WDR59: variants seen among roughly 807,000 people sequenced by gnomAD.
WDR59 encodes GATOR2 complex protein WDR59.
In WDR59, 100 loss-of-function variants were observed where a neutral mutation model predicts 131.2. The observed-to-expected ratio is 0.76, with a 90% CI of 0.65 to 0.90. WDR59 has a LOEUF of 0.90. WDR59 is among the 40% of genes least tolerant of loss of function. The probability of loss-of-function intolerance (pLI) is 0.00; values close to 1 mark genes in which losing one functional copy is unlikely to be tolerated. For missense variants in WDR59, 1,203 were observed against 1,262.2 expected (o/e 0.95, Z 0.71); for synonymous variants, 601 against 466.2 (o/e 1.29, Z -3.72).
intron 8 of WDR59, among the ~76,000 whole-genome samples, chr16:74,924,411 T>C (rs1159111482): frequency 6.6e-6 from 1 of 152,244 alleles, no homozygotes; most frequent in Non-Finnish European, 1.5e-5. Flanking sequence ...TTTTTTCCCA[T>C]TTAATCTTTG....
At chr16:74,904,384 C>A in intron 17 of WDR59, 2 of 258,374 alleles carry the variant, frequency 7.7e-6, no homozygotes, top group Non-Finnish European at 7.4e-6. Context: ...ATAGTTCTAT[C>A]AATTAGAAAC....
chr16:74,880,320 G>A (rs1186514688), intron 25 of WDR59, among the ~76,000 whole-genome samples: 6 of 152,162 alleles, frequency 3.9e-5, no homozygotes, highest in South Asian at 2.1e-4. Context: ...GGTGGCAGGC[G>A]CCTGTAGTCC....
At chr16:74,893,334 G>T (rs999889434) in intron 19 of WDR59, among the ~76,000 whole-genome samples, 11 of 152,150 alleles carry the variant, frequency 7.2e-5, no homozygotes, top group Non-Finnish European at 2.9e-5. Flanking sequence ...TTCTACAGCT[G>T]CAAGGGTCTG....
chr16:74,904,140 C>T (rs1965690849), intron 17 of WDR59, 40 bp from the exon 18 acceptor site: 1 of 1,590,170 alleles, frequency 6.3e-7, no homozygotes, highest in Non-Finnish European at 8.6e-7. Flanking sequence ...TGGCTGCAGT[C>T]CTGTCATATT....
intron 18 of WDR59, among the ~76,000 whole-genome samples, chr16:74,900,363 C>T (rs1455942308): frequency 6.6e-6 from 1 of 152,098 alleles, no homozygotes; most frequent in Non-Finnish European, 1.5e-5. Flanking sequence ...TGAGGAGAGA[C>T]CTTCTTGAAA....
chr16:74,937,303 G>T (rs902063942), intron 8 of WDR59, among the ~76,000 whole-genome samples: 2 of 152,152 alleles, frequency 1.3e-5, no homozygotes, highest in African/African-American at 4.8e-5. Flanking sequence ...CTAATAAAAT[G>T]ACTCTATCCC....
At chr16:74,889,632 G>A in intron 21 of WDR59, 71 bp downstream of exon 21, 1 of 1,209,984 alleles carries the variant, frequency 8.3e-7, no homozygotes, top group Non-Finnish European at 1.2e-6. Context: ...CTTAGGTGGT[G>A]ACATTTCAAG....
rs2034425817 is a variant in WDR59 at position 74,981,649 on chromosome 16, TATATA to T, written c.54+3310_54+3314del. Among the ~76,000 whole-genome samples the T allele has an allele frequency of 5.9e-3, 33 of 5,608 alleles. 3 individuals are homozygous for T. Among genetic ancestry groups the T allele is most frequent in the Middle Eastern group, 0.25 (1 of 4 alleles). The allele number at this position is 5,608 out of a possible 152,430, so 3.7% of individuals were successfully genotyped here. ...ATATATATATATATATATATATATA[TATATA>T]TATATATTTTTTTTTTTTTTAGATG... On this transcript the variant is annotated intron_variant, in intron 1 of 25. Coordinates refer to ENST00000262144, the MANE Select transcript of WDR59 (RefSeq NM_030581.4).
At chr16:74,897,187 G>A (rs543666202) in intron 18 of WDR59, among the ~76,000 whole-genome samples, 4 of 152,208 alleles carry the variant, frequency 2.6e-5, no homozygotes, top group South Asian at 2.1e-4. Flanking sequence ...TGTCAGCATC[G>A]TGACTCTGTT....
At chr16:74,874,768 T>C (rs1223141815) in intron 25 of WDR59, among the ~76,000 whole-genome samples, 1 of 152,156 alleles carries the variant, frequency 6.6e-6, no homozygotes, top group African/African-American at 2.4e-5. Context: ...AGTTTGTATT[T>C]TTAGTAGAGA....
chr16:74,933,760 A>T (rs2059268), intron 8 of WDR59, among the ~76,000 whole-genome samples: 151,666 of 152,292 alleles, frequency 1, 75,526 homozygotes, highest in Middle Eastern at 1. Context: ...TAATTTTGTA[A>T]TTTTAGTAGA....
chr16:74,886,349 G>A lies in WDR59; in HGVS notation c.2467C>T (p.Pro823Ser). ...HLSSPWGESS[P>S]EELRFGSLTY... Reference sequence around the variant, plus strand: ...AGACTCCCAAAGCGGAGCTCTTCTGGTGAGGATTCTCCCCAAGGGGAGGAC... The same window carrying A: ...AGACTCCCAAAGCGGAGCTCTTCTGATGAGGATTCTCCCCAAGGGGAGGAC... Residue 823 changes from proline (P) to serine (S), a missense_variant, in exon 24 of 26, where the codon CCA becomes TCA. By Grantham distance (74) the Pro-to-Ser change is moderately conservative (BLOSUM62 -1). Coordinates refer to ENST00000262144, the MANE Select transcript of WDR59 (RefSeq NM_030581.4). 2 of 1,613,914 alleles carry A rather than the reference G, an allele frequency of 1.2e-6. No homozygotes were observed. The highest frequency in any genetic ancestry group is 1.1e-5 in the South Asian group (1 of 91,076).
At chr16:74,930,077 T>C (rs1597736261) in intron 8 of WDR59, among the ~76,000 whole-genome samples, 2 of 152,058 alleles carry the variant, frequency 1.3e-5, no homozygotes, top group Non-Finnish European at 2.9e-5. Context: ...GTGGGGATGG[T>C]TAATGGGTAG....
Position 74,918,015 on chromosome 16 carries a change from A to G in WDR59, c.887-7T>C. 14 of 1,613,016 alleles carry G rather than the reference A, an allele frequency of 8.7e-6. No homozygotes were observed. Among genetic ancestry groups the G allele is most frequent in the East Asian group, 2.2e-5 (1 of 44,860 alleles). ...AGTTGATAGTCCTTGGACCCTAGAA[A>G]TCACCAAATAAGAATCCTGGAAATT... is the stretch of plus-strand genomic sequence containing the variant. On this transcript the variant is annotated splice_polypyrimidine_tract_variant and splice_region_variant and intron_variant, in intron 10 of 25. Transcript: ENST00000262144.
intron 18 of WDR59, among the ~76,000 whole-genome samples, chr16:74,899,020 G>A (rs1485631020): frequency 6.6e-6 from 1 of 152,154 alleles, no homozygotes; most frequent in East Asian, 1.9e-4. Context: ...AAGCCTCACG[G>A]CTGCCTTGCA....
intron 8 of WDR59, among the ~76,000 whole-genome samples, chr16:74,924,950 T>C (rs1277399515): frequency 6.6e-6 from 1 of 152,104 alleles, no homozygotes; most frequent in Non-Finnish European, 1.5e-5. Flanking sequence ...AAGTTAAAAG[T>C]ACACATACCA....
At chr16:74,974,870 G>A (rs2034124527) in intron 1 of WDR59, among the ~76,000 whole-genome samples, 1 of 152,112 alleles carries the variant, frequency 6.6e-6, no homozygotes, top group African/African-American at 2.4e-5. Context: ...TACAGTGAGG[G>A]GACTCTGGGA....
intron 18 of WDR59, among the ~76,000 whole-genome samples, chr16:74,901,396 G>T (rs1027652571): frequency 1.3e-5 from 2 of 152,108 alleles, no homozygotes; most frequent in African/African-American, 4.8e-5. Context: ...ATATGTAGGA[G>T]AAAAATTTGG....
chr16:74,891,284 C>G (rs1965031714), intron 20 of WDR59, among the ~76,000 whole-genome samples: 1 of 152,062 alleles, frequency 6.6e-6, no homozygotes, highest in Non-Finnish European at 1.5e-5. Context: ...AAAGAATAAG[C>G]AAACAAAGAT....
Sources: gnomAD v4.1 joint callset for allele counts (sites outside exome capture counted in the v4.1 genomes callset) on GRCh38, gnomAD v4.1.1 for gene constraint, MANE v1.5 for transcripts, NCBI Gene and HGNC (gene_info 2026-07-23, HGNC 2026-07-21) for gene names.